The following LTA4H variants were observed in gnomAD, a reference collection of about 807,000 sequenced individuals.
LTA4H encodes the protein leukotriene A4 hydrolase.
LTA4H carries 59 observed loss-of-function variants against 89.8 expected under a neutral mutation model. The ratio of observed to expected loss-of-function variants is 0.66; its 90% CI spans 0.53 to 0.82. The LOEUF (loss-of-function observed/expected upper bound fraction) is 0.82. LTA4H is among the 40% of genes least tolerant of loss of function. The pLI, the probability that LTA4H is intolerant of heterozygous loss-of-function variation, is 0.00. For missense variants in LTA4H, 617 were observed against 727.0 expected, an observed-to-expected ratio of 0.85 and a Z score of 1.74; for synonymous variants, 227 against 253.1, an observed-to-expected ratio of 0.90 and a Z score of 0.98.
At position 96,000,875 on chromosome 12, in the gene LTA4H, A is replaced by G; in HGVS notation, c.*114T>C. 1.4e-6 allele frequency: 1 copy of G among 714,296 alleles called. No homozygotes were observed. Among genetic ancestry groups the G allele is most frequent in the Non-Finnish European group, 2.4e-6 (1 of 418,720 alleles). The allele number at this position is 714,296 out of a possible 1,614,324, so 44.2% of individuals were successfully genotyped here. A position where few individuals can be genotyped will look rare whatever the true frequency, so the allele number is the denominator to read the frequency against. On this transcript the variant is annotated 3_prime_UTR_variant, in exon 19 of 19. Transcript: ENST00000228740. ...TTATTTCAGTAAAATCACCAACAAA[A>G]CAATAAAAAGCCAAAACTAAAAAGA...
At chr12:96,033,668 C>G (rs1950601237) in intron 1 of LTA4H, among the ~76,000 whole-genome samples, 1 of 152,200 alleles carries the variant, frequency 6.6e-6, no homozygotes, top group Admixed American at 6.5e-5. Flanking sequence ...ATCAACCCGT[C>G]AGCTACATTA....
chr12:96,033,622 A>T (rs936960664), intron 1 of LTA4H, among the ~76,000 whole-genome samples: 1 of 152,142 alleles, frequency 6.6e-6, no homozygotes, highest in Non-Finnish European at 1.5e-5. Context: ...GGTTTGTTAC[A>T]TAAGTATACA....
intron 10 of LTA4H, among the ~76,000 whole-genome samples, 190 bp downstream of exon 10, chr12:96,016,854 C>T (rs1287970328): frequency 5.3e-5 from 8 of 150,736 alleles, no homozygotes; most frequent in South Asian, 2.1e-4. Context: ...TGAGCTAGAT[C>T]GCACCACTGC....
At chr12:96,006,776 G>A (rs959485762) in intron 15 of LTA4H, among the ~76,000 whole-genome samples, 28 of 152,060 alleles carry the variant, frequency 1.8e-4, no homozygotes, top group African/African-American at 5.8e-4. Context: ...GAATGAAATC[G>A]TATATTTTTA....
chr12:96,013,468 C>T (rs897378133), intron 13 of LTA4H, among the ~76,000 whole-genome samples: 1 of 152,116 alleles, frequency 6.6e-6, no homozygotes, highest in Non-Finnish European at 1.5e-5. Context: ...TATATGTACT[C>T]AATGTGGACT....
Position 96,003,840 on chromosome 12 carries a change from G to A in LTA4H, c.1611C>T (p.Phe537=). 1 of 1,603,526 alleles carries A rather than the reference G, an allele frequency of 6.2e-7. No individual in the cohort carries two copies. Among genetic ancestry groups the A allele is most frequent in the Non-Finnish European group, 8.5e-7 (1 of 1,172,962 alleles). ...AGAGACAAGTTAAAATGATGTACCT[G>A]AATCGTATTTCAGAATTGTTAATGG... The part of the protein sequence containing the change: ...FNAINNSEIR[F]RWLRLCIQSK... Residue 537 remains phenylalanine (F), a splice_region_variant and synonymous_variant, in exon 17 of 19, where the codon TTC becomes TTT. Coordinates refer to ENST00000228740, the MANE Select transcript of LTA4H (RefSeq NM_000895.3).
intron 2 of LTA4H, chr12:96,027,766 T>A (rs189724123): frequency 4.1e-5 from 14 of 339,192 alleles, no homozygotes; most frequent in African/African-American, 2.8e-4. Context: ...TGGGTCCTTT[T>A]ACCTCTCCCA....
intron 15 of LTA4H, among the ~76,000 whole-genome samples, chr12:96,008,650 C>T (rs1950246393): frequency 6.6e-6 from 1 of 152,040 alleles, no homozygotes; most frequent in African/African-American, 2.4e-5. Context: ...GGCACAGTGG[C>T]TCATGCCTGA....
rs751490076 is a variant in LTA4H at position 96,029,197 on chromosome 12, A to G, written c.160-12T>C. The G allele has an allele frequency of 2.1e-6, 3 of 1,417,052 alleles. No individual in the cohort carries two copies. In the Admixed American group the frequency reaches 6.4e-5, roughly 30 times the overall value. 87.8% of individuals were successfully genotyped at this position (1,417,052 alleles called of 1,614,324 possible). ...TTTGTATCCAAAACCTAAAATTAAT[A>G]TTTTTAAATAGTAAGAAAATAGTTT... is the stretch of plus-strand genomic sequence containing the variant. On this transcript the variant is annotated splice_polypyrimidine_tract_variant and intron_variant, in intron 1 of 18. Transcript: ENST00000228740.
upstream of LTA4H, among the ~76,000 whole-genome samples, chr12:96,036,143 A>C (rs1370744392): frequency 1.3e-5 from 2 of 152,232 alleles, no homozygotes; most frequent in Non-Finnish European, 2.9e-5. Flanking sequence ...AGGTTTAAAC[A>C]GTTGTTTTGT....
chr12:96,019,128 G>T, intron 7 of LTA4H, 40 bp downstream of exon 7: 1 of 1,543,132 alleles, frequency 6.5e-7, no homozygotes, highest in Non-Finnish European at 8.9e-7. Flanking sequence ...TCAATCTACT[G>T]TCTATCACAA....
At chr12:96,023,538 T>C (rs1444257815) in intron 4 of LTA4H, among the ~76,000 whole-genome samples, 2 of 152,216 alleles carry the variant, frequency 1.3e-5, no homozygotes, top group African/African-American at 4.8e-5. Context: ...TGGGATTCTT[T>C]GCCTCCAAGT....
chr12:96,006,219 T>G (rs1045811700), intron 16 of LTA4H, 95 bp downstream of exon 16: 1 of 648,490 alleles, frequency 1.5e-6, no homozygotes. Context: ...TCCCCATTAG[T>G]TTCCACATTA....
intron 8 of LTA4H, among the ~76,000 whole-genome samples, chr12:96,017,836 T>C (rs1337695884): frequency 1.3e-5 from 2 of 152,236 alleles, no homozygotes; most frequent in Non-Finnish European, 2.9e-5. Flanking sequence ...GTGTCTAACT[T>C]CCATGAAACA....
chr12:96,033,778 A>G (rs768064545), intron 1 of LTA4H, among the ~76,000 whole-genome samples: 34 of 152,076 alleles, frequency 2.2e-4, no homozygotes, highest in Admixed American at 3.9e-4. Context: ...TCATTGTTCA[A>G]CTCTCACTTA....
At chr12:96,029,223 C>A (rs1950545887) in intron 1 of LTA4H, 38 bp from the exon 2 acceptor site, 1 of 1,256,396 alleles carries the variant, frequency 8.0e-7, no homozygotes, top group South Asian at 1.5e-5. Flanking sequence ...AAAATAGTTT[C>A]ATTTACCAGA....
intron 1 of LTA4H, among the ~76,000 whole-genome samples, chr12:96,031,639 G>A (rs1411066425): frequency 6.6e-6 from 1 of 152,146 alleles, no homozygotes; most frequent in African/African-American, 2.4e-5. Context: ...TAGCTGGTCA[G>A]TTGACATGGA....
chr12:96,036,004 G>C (rs990440558), upstream of LTA4H, among the ~76,000 whole-genome samples: 3 of 152,198 alleles, frequency 2.0e-5, no homozygotes, highest in African/African-American at 4.8e-5. Context: ...CTATCAGAAG[G>C]CTTTCTTTCG....
chr12:96,023,486 G>C (rs1950477509), intron 4 of LTA4H, among the ~76,000 whole-genome samples: 1 of 152,022 alleles, frequency 6.6e-6, no homozygotes, highest in Non-Finnish European at 1.5e-5. Flanking sequence ...AAGTAGTTGG[G>C]ACTTCACGCA....
Sources: gnomAD v4.1 joint callset for allele counts (sites outside exome capture counted in the v4.1 genomes callset) on GRCh38, gnomAD v4.1.1 for gene constraint, MANE v1.5 for transcripts, NCBI Gene and HGNC (gene_info 2026-07-23, HGNC 2026-07-21) for gene names.